The following TCF20 variants were observed in gnomAD, a reference collection of about 807,000 sequenced individuals.
The protein encoded by TCF20 is transcription factor 20.
A neutral mutation model predicts 148.6 loss-of-function variants in TCF20; 3 were observed. The ratio of observed to expected loss-of-function variants is 0.02; its 90% CI spans 0.01 to 0.05. TCF20 has a LOEUF of 0.05. Ranked by LOEUF, TCF20 falls within the 10% of genes least tolerant of loss-of-function variation. TCF20 has a pLI of 1.00. For synonymous variants in TCF20, 1,049 were observed against 909.5 expected (o/e 1.15, Z -2.76); for missense variants, 2,350 against 2,429.3 (o/e 0.97, Z 0.69).
intron 1 of TCF20, among the ~76,000 whole-genome samples, chr22:42,232,973 T>G (rs527969130): frequency 1.5e-3 from 224 of 152,294 alleles, no homozygotes; most frequent in Middle Eastern, 0.014. Flanking sequence ...CAGGCTGGAG[T>G]GCACTGGTGC....
Position 42,209,838 on chromosome 22 carries a change from T to C in TCF20, c.5468A>G (p.Asp1823Gly). Reference protein sequence around the residue: ...TEGSSEKTVLDSKPSVPTTSE... With the variant: ...TEGSSEKTVLGSKPSVPTTSE... ...AGTGGTGGGCACGGAGGGCTTCGAG[T>C]CCAAAACAGTCTTTTCACTGCTGCC... The change falls in exon 2 of 6, where the codon GAC becomes GGC. Residue 1823 changes from aspartate (D) to glycine (G), a missense_variant. This residue lies in a region of TCF20 where 374 missense variants were observed against 398.3 expected (regional missense o/e 0.94). Transcript: ENST00000677622. 1 of 1,614,128 alleles carries C rather than the reference T, an allele frequency of 6.2e-7. No homozygotes were observed. The highest frequency in any genetic ancestry group is 1.1e-5 in the South Asian group (1 of 91,070).
chr22:42,193,568 T>C (rs1937448504), intron 2 of TCF20, among the ~76,000 whole-genome samples: 1 of 152,016 alleles, frequency 6.6e-6, no homozygotes. Context: ...GCTTAGGCAA[T>C]CCTCCTACCT....
Position 42,323,455 on chromosome 22 carries a change from C to A in TCF20, c.-37+20024G>T, listed in dbSNP as rs1215700959. On this transcript the variant is annotated intron_variant, in intron 1 of 1. Coordinates refer to the TCF20 transcript ENST00000515426. ...TCACAGGGAAGGGGGCACCTGTCAG[C>A]TGAGGGAACAGGAGGACGGTGGAAG... Among the ~76,000 whole-genome samples, 3 of 151,692 alleles carry A rather than the reference C, an allele frequency of 2.0e-5. 1 individual carries two copies. The highest frequency in any genetic ancestry group is 7.3e-5 in the African/African-American group (3 of 41,362).
intron 1 of TCF20, among the ~76,000 whole-genome samples, chr22:42,267,398 C>T (rs1298296878): frequency 1.3e-5 from 2 of 151,802 alleles, no homozygotes; most frequent in African/African-American, 4.8e-5. Flanking sequence ...ATCTGTGTGG[C>T]TATATAAAAG....
At chr22:42,324,863 C>G (rs1382143260) in intron 1 of TCF20, among the ~76,000 whole-genome samples, 1 of 152,242 alleles carries the variant, frequency 6.6e-6, no homozygotes, top group Non-Finnish European at 1.5e-5. Context: ...GGTGAGGACC[C>G]AGAGGCCCTG....
chr22:42,163,173 AGAAG>A (rs755768274), intron 5 of TCF20, among the ~76,000 whole-genome samples: 1 of 152,188 alleles, frequency 6.6e-6, no homozygotes. Flanking sequence ...CTCATTACTC[AGAAG>A]AACAGGACCC....
At chr22:42,195,126 C>G (rs1937524306) in intron 2 of TCF20, among the ~76,000 whole-genome samples, 1 of 149,174 alleles carries the variant, frequency 6.7e-6, no homozygotes, top group Non-Finnish European at 1.5e-5. Flanking sequence ...TTGGGAGACC[C>G]TGGAGGAAGA....
chr22:42,232,830 G>C (rs1350379378), intron 1 of TCF20, among the ~76,000 whole-genome samples: 1 of 148,472 alleles, frequency 6.7e-6, no homozygotes, highest in Non-Finnish European at 1.5e-5. Flanking sequence ...AAACTAGTTT[G>C]ACCAACATGC....
chr22:42,289,738 T>C (rs1415149084), intron 1 of TCF20, among the ~76,000 whole-genome samples: 1 of 152,152 alleles, frequency 6.6e-6, no homozygotes, highest in Non-Finnish European at 1.5e-5. Context: ...CGCCAATGGC[T>C]GCAAATAAGG....
Position 42,212,724 on chromosome 22 carries a change from G to T in TCF20, c.2582C>A (p.Ser861Tyr). 2.5e-6 allele frequency: 4 copies of T among 1,614,204 alleles called. No homozygotes were observed. Among genetic ancestry groups the T allele is most frequent in the Non-Finnish European group, 3.4e-6 (4 of 1,180,044 alleles). The change falls in exon 2 of 6, where the codon TCT becomes TAT. Residue 861 changes from serine (S) to tyrosine (Y), a missense_variant. By Grantham distance (144) the Ser-to-Tyr change is moderately radical. Coordinates refer to ENST00000677622, the MANE Select transcript of TCF20 (RefSeq NM_001378418.1). ...SSAHEPGGSL[S>Y]ERRSVICDIS... ...ATCACAGATCACTGATCTTCTTTCAGAGAGGGAACCCCCAGGCTCATGTGC... is the reference window on the plus strand; with the variant it reads ...ATCACAGATCACTGATCTTCTTTCATAGAGGGAACCCCCAGGCTCATGTGC...
intron 1 of TCF20, among the ~76,000 whole-genome samples, chr22:42,242,580 T>C (rs1244896122): frequency 6.6e-6 from 1 of 152,054 alleles, no homozygotes; most frequent in Non-Finnish European, 1.5e-5. Context: ...AAGAGGTATT[T>C]TCAACTGTGA....
chr22:42,190,928 C>A (rs1937301197), intron 2 of TCF20, among the ~76,000 whole-genome samples: 1 of 152,210 alleles, frequency 6.6e-6, no homozygotes, highest in Non-Finnish European at 1.5e-5. Flanking sequence ...ATATCAGCCA[C>A]TTGCTGTGGG....
chr22:42,272,086 G>A (rs1265417424), upstream of TCF20, among the ~76,000 whole-genome samples: 5 of 152,222 alleles, frequency 3.3e-5, no homozygotes, highest in African/African-American at 4.8e-5. Flanking sequence ...CTCCAAAGCA[G>A]GTCAGGACTA....
chr22:42,208,915 C>G (rs1344340349), intron 2 of TCF20, among the ~76,000 whole-genome samples: 2 of 152,138 alleles, frequency 1.3e-5, no homozygotes, highest in African/African-American at 4.8e-5. Context: ...CAAGACCTAT[C>G]ATTTTGACAT....
At chr22:42,300,892 G>A (rs1304460184) in intron 1 of TCF20, among the ~76,000 whole-genome samples, 1 of 152,134 alleles carries the variant, frequency 6.6e-6, no homozygotes, top group African/African-American at 2.4e-5. Context: ...AATGCACCAT[G>A]CATTCAACCA....
intron 1 of TCF20, among the ~76,000 whole-genome samples, chr22:42,313,254 G>T (rs1419935770): frequency 6.6e-6 from 1 of 152,186 alleles, no homozygotes; most frequent in Non-Finnish European, 1.5e-5. Context: ...GCACAGTAGG[G>T]TCTCAACCCA....
chr22:42,214,772 C>T lies in TCF20; in HGVS notation c.534G>A (p.Gln178=), dbSNP rs1260649878. ...GCTGTTGTCTCAACTGCTGGACTTG[C>T]TGCTGCTGCTGCTGGCTGGAAGCCT... ...QQQASSQQQQ[Q]QVQQLRQQLY... is the part of the protein sequence containing the mutation. The change falls in exon 2 of 6, where the codon CAG becomes CAA. Residue 178 remains glutamine (Q), a synonymous_variant. Coordinates refer to ENST00000677622, the MANE Select transcript of TCF20 (RefSeq NM_001378418.1). 1 of 1,609,986 alleles carries T rather than the reference C, an allele frequency of 6.2e-7. No individual in the cohort carries two copies. The highest frequency in any genetic ancestry group is 2.2e-5 in the East Asian group (1 of 44,844).
intron 1 of TCF20, among the ~76,000 whole-genome samples, chr22:42,231,429 C>T (rs1330513901): frequency 6.6e-6 from 1 of 152,068 alleles, no homozygotes; most frequent in Non-Finnish European, 1.5e-5. Flanking sequence ...TTACAGGGAG[C>T]TATGACTGTG....
chr22:42,203,033 TTAGCAATAAC>T (rs1361862378), intron 2 of TCF20, among the ~76,000 whole-genome samples: 1 of 152,250 alleles, frequency 6.6e-6, no homozygotes, highest in Non-Finnish European at 1.5e-5. Context: ...TTTTAACAGA[TTAGCAATAAC>T]TAGTTTAACA....
Sources: gnomAD v4.1 joint callset for allele counts (sites outside exome capture counted in the v4.1 genomes callset) on GRCh38, gnomAD v4.1.1 for gene constraint, gnomAD v4.1.1 regional missense constraint, MANE v1.5 for transcripts, NCBI Gene and HGNC (gene_info 2026-07-23, HGNC 2026-07-21) for gene names.